Variants in YEATS2 observed in about 807,000 individuals in gnomAD.
YEATS2 encodes YEATS domain-containing protein 2.
A neutral mutation model predicts 163.2 loss-of-function variants in YEATS2; 77 were observed. The observed-to-expected ratio is 0.47, with a 90% CI of 0.39 to 0.57. The LOEUF is 0.57. YEATS2 is among the 20% of genes least tolerant of loss of function. The pLI is 0.00. For missense variants in YEATS2, 1,549 were observed against 1,729.8 expected (o/e 0.90, Z 1.85); for synonymous variants, 631 against 645.1 (o/e 0.98, Z 0.33).
In YEATS2 at chr3:183,801,845, C is replaced by T. The variant is rs1001028905; in HGVS notation, c.3502+317C>T. On this transcript the variant is annotated intron_variant, in intron 25 of 30. Transcript: ENST00000305135. ...AGTGAGGAAAGCATTTAGCGTTTGC[C>T]TGCAGTGTACCAGGTCCTGTGCAGG... is the stretch of plus-strand genomic sequence containing the variant. 1.8e-5 allele frequency: 4 copies of T among 218,352 alleles called. No homozygotes were observed. The South Asian group carries it at 2.9e-4, about 16-fold the overall frequency. 13.5% of individuals were successfully genotyped at this position (218,352 alleles called of 1,614,324 possible).
chr3:183,772,471 G>A lies in YEATS2; in HGVS notation c.2114G>A (p.Gly705Asp), dbSNP rs199624791. 44 of 1,614,132 alleles carry A rather than the reference G, an allele frequency of 2.7e-5. No individual in the cohort carries two copies. The highest frequency in any genetic ancestry group is 3.6e-5 in the Non-Finnish European group (43 of 1,180,006). The part of the protein sequence containing the change: ...QGVAKAIVSG[G>D]GGTIVAQPVQ... ...GTTGCCAAAGCAATTGTGAGTGGAGGTGGAGGAACCATTGTTGCTCAGCCA... is the reference window on the plus strand; with the variant it reads ...GTTGCCAAAGCAATTGTGAGTGGAGATGGAGGAACCATTGTTGCTCAGCCA... Residue 705 changes from glycine to aspartate, a missense_variant, in exon 16 of 31, where the codon GGT (glycine) becomes GAT (aspartate). By Grantham distance (94) the Gly-to-Asp change is moderately conservative. Coordinates refer to ENST00000305135, the MANE Select transcript of YEATS2 (RefSeq NM_018023.5).
chr3:183,800,713 A>AC, intron 24 of YEATS2, 145 bp downstream of exon 24: 1 of 634,098 alleles, frequency 1.6e-6, no homozygotes, highest in Admixed American at 2.9e-5. Context: ...GACAAGTGTT[A>AC]CCACTTGATG....
chr3:183,756,152 A>G (rs1284847435), intron 11 of YEATS2, among the ~76,000 whole-genome samples: 2 of 152,230 alleles, frequency 1.3e-5, no homozygotes, highest in African/African-American at 4.8e-5. Flanking sequence ...CAGTTACAAA[A>G]AAAGGTTCAG....
chr3:183,768,824 T>C (rs1722171650), intron 15 of YEATS2, among the ~76,000 whole-genome samples: 1 of 152,010 alleles, frequency 6.6e-6, no homozygotes, highest in Non-Finnish European at 1.5e-5. Context: ...AATACAAAAT[T>C]AGCCAGGTGT....
intron 1 of YEATS2, among the ~76,000 whole-genome samples, chr3:183,713,059 A>G (rs1299687128): frequency 6.6e-6 from 1 of 152,120 alleles, no homozygotes; most frequent in African/African-American, 2.4e-5. Flanking sequence ...CCTTGCCTGT[A>G]CATGGCCTGT....
At chr3:183,701,417 GTC>G (rs1438743110) in intron 1 of YEATS2, among the ~76,000 whole-genome samples, 2 of 140,234 alleles carry the variant, frequency 1.4e-5, no homozygotes, top group Non-Finnish European at 3.1e-5. Flanking sequence ...GACAGGGTCT[GTC>G]TCTGTCGCCC....
intron 7 of YEATS2, among the ~76,000 whole-genome samples, chr3:183,729,759 C>T (rs1282366014): frequency 6.6e-6 from 1 of 151,874 alleles, no homozygotes; most frequent in East Asian, 1.9e-4. Context: ...GCAACCTCTG[C>T]TTCAGGTTCA....
intron 2 of YEATS2, 43 bp downstream of exon 2, chr3:183,715,305 G>T: frequency 7.1e-7 from 1 of 1,398,606 alleles, no homozygotes; most frequent in Non-Finnish European, 1.0e-6. Flanking sequence ...ATTGACATAT[G>T]CCTCCGCTAG....
intron 8 of YEATS2, among the ~76,000 whole-genome samples, chr3:183,744,630 A>G (rs1166846666): frequency 6.6e-6 from 1 of 152,098 alleles, no homozygotes; most frequent in Non-Finnish European, 1.5e-5. Flanking sequence ...GGAAAACATC[A>G]TTTTATTGTT....
At chr3:183,705,681 A>C (rs1316865328) in intron 1 of YEATS2, among the ~76,000 whole-genome samples, 1 of 152,078 alleles carries the variant, frequency 6.6e-6, no homozygotes, top group Non-Finnish European at 1.5e-5. Flanking sequence ...TAATGATGAA[A>C]ACTAATGTAA....
At chr3:183,730,225 C>T (rs1577071704) in intron 7 of YEATS2, among the ~76,000 whole-genome samples, 1 of 150,036 alleles carries the variant, frequency 6.7e-6, no homozygotes, top group South Asian at 2.1e-4. Flanking sequence ...CCACCATGCC[C>T]AGCTAATTTT....
At chr3:183,772,634 A>C (rs1332468418) in intron 16 of YEATS2, 71 bp downstream of exon 16, 1 of 1,576,492 alleles carries the variant, frequency 6.3e-7, no homozygotes, top group African/African-American at 1.4e-5. Flanking sequence ...TAGTGATTTT[A>C]TTTGCTATTT....
chr3:183,705,819 C>T (rs930861633), intron 1 of YEATS2, among the ~76,000 whole-genome samples: 7 of 152,092 alleles, frequency 4.6e-5, no homozygotes, highest in Non-Finnish European at 8.8e-5. Flanking sequence ...GCAGGCAGAT[C>T]ACGAGTTGAG....
chr3:183,725,489 G>A (rs948784950), intron 6 of YEATS2, among the ~76,000 whole-genome samples: 1 of 151,928 alleles, frequency 6.6e-6, no homozygotes, highest in South Asian at 2.1e-4. Flanking sequence ...GACTCACAGT[G>A]CCACATGGCT....
chr3:183,779,545 C>CA lies in YEATS2; in HGVS notation c.2736+1852dup, dbSNP rs561628279. On this transcript the variant is annotated intron_variant, in intron 19 of 30. Coordinates refer to ENST00000305135, the MANE Select transcript of YEATS2 (RefSeq NM_018023.5). ...GAGATTTCAGCCCTCCAATATGTTT[C>CA]AAAAAAATAAGATTTTGTAGTGTAT... Among the ~76,000 whole-genome samples the CA allele has an allele frequency of 7.2e-5, 11 of 152,056 alleles. No individual in the cohort carries two copies. The South Asian group carries it at 2.1e-3, about 29-fold the overall frequency.
At chr3:183,798,866 T>A (rs768873804) in intron 22 of YEATS2, 25 bp from the exon 23 acceptor site, 3 of 1,549,530 alleles carry the variant, frequency 1.9e-6, no homozygotes, top group Admixed American at 1.7e-5. Flanking sequence ...ATTTGTTATA[T>A]CCCTCCCTCC....
chr3:183,714,558 G>A (rs763437263), intron 1 of YEATS2, among the ~76,000 whole-genome samples: 16 of 151,924 alleles, frequency 1.1e-4, no homozygotes, highest in Middle Eastern at 6.8e-3. Flanking sequence ...CTTGTTTACC[G>A]TATTGCAGAC....
chr3:183,717,568 G>A, intron 2 of YEATS2, 83 bp from the exon 3 acceptor site: 7 of 1,044,260 alleles, frequency 6.7e-6, no homozygotes, highest in Non-Finnish European at 8.3e-6. Context: ...CTATTTCTTG[G>A]ATTTCTTTTG....
chr3:183,749,774 G>A (rs540385785), intron 9 of YEATS2, among the ~76,000 whole-genome samples: 1 of 152,060 alleles, frequency 6.6e-6, no homozygotes, highest in Non-Finnish European at 1.5e-5. Flanking sequence ...GGGACTGTGG[G>A]CGTGTGCCAC....
Sources: gnomAD v4.1 joint callset for allele counts (sites outside exome capture counted in the v4.1 genomes callset) on GRCh38, gnomAD v4.1.1 for gene constraint, MANE v1.5 for transcripts, NCBI Gene and HGNC (gene_info 2026-07-23, HGNC 2026-07-21) for gene names.